Variants in ZNF561 observed in about 807,000 individuals in gnomAD.
ZNF561 encodes zinc finger protein 561.
ZNF561 carries 16 observed loss-of-function variants against 16.7 expected under a neutral mutation model. That is an observed-to-expected ratio of 0.96 (90% CI 0.65 to 1.45). The LOEUF (loss-of-function observed/expected upper bound fraction) is 1.45. ZNF561 is among the 40% of genes most tolerant of loss of function. ZNF561 has a pLI of 0.00. For synonymous variants in ZNF561, 190 were observed against 192.1 expected, an observed-to-expected ratio of 0.99 and a Z score of 0.09; for missense variants, 580 against 578.0, an observed-to-expected ratio of 1.00 and a Z score of -0.04.
At position 9,618,161 on chromosome 19, in the gene ZNF561, G is replaced by T. The variant is rs569514472; in HGVS notation, c.44C>A (p.Pro15Gln). ...TGTCTTTTCTTCAAAAGGGCAGATT[G>T]GTTCCCTGGAAAAAAACCCTAGTGG... Reference protein sequence around the residue: ...YLSRGFFSREPICPFEEKTKV... With the variant: ...YLSRGFFSREQICPFEEKTKV... The change falls in exon 3 of 6, where the codon CCA becomes CAA. Residue 15 changes from proline to glutamine, a missense_variant. Transcript: ENST00000302851. 12 of 1,550,982 alleles carry T rather than the reference G, an allele frequency of 7.7e-6. No individual in the cohort carries two copies. In the African/African-American group the frequency reaches 1.5e-4, roughly 19 times the overall value.
chr19:9,619,567 AG>A lies in ZNF561; in HGVS notation c.-112del. 1 of 1,133,506 alleles carries A rather than the reference AG, an allele frequency of 8.8e-7. No individual in the cohort carries two copies. The highest frequency in any genetic ancestry group is 1.3e-5 in the South Asian group (1 of 75,792). The allele number at this position is 1,133,506 out of a possible 1,614,324, so 70.2% of individuals were successfully genotyped here. A position where few individuals can be genotyped will look rare whatever the true frequency, so the allele number is the denominator to read the frequency against. ...AGGCAATCTCCATTCCTCTTTGTAC[AG>A]GGTTATTTGCGGTCCTGTTCATATC... is the stretch of plus-strand genomic sequence containing the variant. On this transcript the variant is annotated 5_prime_UTR_variant, in exon 2 of 6. Coordinates refer to ENST00000302851, the MANE Select transcript of ZNF561 (RefSeq NM_152289.3).
chr19:9,618,007 G>A, intron 3 of ZNF561, 84 bp downstream of exon 3: 1 of 1,308,568 alleles, frequency 7.6e-7, no homozygotes, highest in East Asian at 2.6e-5. Flanking sequence ...AGAAAACTCT[G>A]AAGATGAGTC....
rs142413028 is a variant in ZNF561, at chr19:9,619,946, C to T, written c.-126-364G>A. On this transcript the variant is annotated intron_variant, in intron 1 of 5. Transcript: ENST00000302851. ...CCTATCTATCTATCTATCTATCTATCGAGACAGGGTCTCACTCTGTTGCCC... is the reference window on the plus strand; with the variant it reads ...CCTATCTATCTATCTATCTATCTATTGAGACAGGGTCTCACTCTGTTGCCC... Among the ~76,000 whole-genome samples, 308 of 151,440 alleles carry T rather than the reference C, an allele frequency of 2.0e-3. 1 individual carries two copies. Among genetic ancestry groups the T allele is most frequent in the Non-Finnish European group, 3.2e-3 (219 of 67,936 alleles).
chr19:9,610,186 T>C lies in ZNF561; in HGVS notation c.*14A>G, dbSNP rs768731588. ...TGGTGTCATTGCCAATAATTAAAGA[T>C]GGCAACCGATGGGCTAAATGGTAAC... On this transcript the variant is annotated 3_prime_UTR_variant, in exon 6 of 6. Coordinates refer to ENST00000302851, the MANE Select transcript of ZNF561 (RefSeq NM_152289.3). 29 of 1,543,770 alleles carry C rather than the reference T, an allele frequency of 1.9e-5. No homozygotes were observed. The highest frequency in any genetic ancestry group is 2.4e-5 in the Non-Finnish European group (27 of 1,147,650).
chr19:9,619,863 T>C (rs73923645), intron 1 of ZNF561, among the ~76,000 whole-genome samples: 460 of 23,652 alleles, frequency 0.019, 1 homozygote, highest in Admixed American at 0.13. Flanking sequence ...CTATCTATAT[T>C]TATCTATCTA....
Position 9,611,312 on chromosome 19 carries a change from G to A in ZNF561, c.349C>T (p.Leu117Phe), listed in dbSNP as rs1444482409. 1.9e-6 allele frequency: 3 copies of A among 1,612,432 alleles called. No individual in the cohort carries two copies. Among genetic ancestry groups the A allele is most frequent in the Non-Finnish European group, 2.5e-6 (3 of 1,178,600 alleles). ...QMTRGYSGWK[L>F]CDCKNCGEVF... is the part of the protein sequence containing the mutation. ...TCTCCACAATTCTTACAGTCACAGA[G>A]TTTCCATCCACTGTAGCCTCTTGTC... The change falls in exon 6 of 6, where the codon CTC becomes TTC. Residue 117 changes from leucine to phenylalanine, a missense_variant. Leu to Phe is a conservative substitution (Grantham distance 22). Coordinates refer to ENST00000302851, the MANE Select transcript of ZNF561 (RefSeq NM_152289.3).
In ZNF561 at chr19:9,612,621, A is replaced by T. The variant is rs573366804; in HGVS notation, c.325-1285T>A. Among the ~76,000 whole-genome samples, 11 of 152,318 alleles carry T rather than the reference A, an allele frequency of 7.2e-5. No individual in the cohort carries two copies. The South Asian group carries it at 2.3e-3, about 32-fold the overall frequency. On this transcript the variant is annotated intron_variant, in intron 5 of 5. Coordinates refer to ENST00000302851, the MANE Select transcript of ZNF561 (RefSeq NM_152289.3). ...CAGCCTCCCAAAGTGCTGGGATTAC[A>T]GCCATGAGCTACCATGTCAGCCTAC...
At position 9,619,516 on chromosome 19, in the gene ZNF561, G is replaced by C. The variant is rs757786512; in HGVS notation, c.-60C>G. The C allele has an allele frequency of 9.4e-6, 15 of 1,590,462 alleles. No homozygotes were observed. The highest frequency in any genetic ancestry group is 1.3e-5 in the Non-Finnish European group (15 of 1,160,764). The stretch of plus-strand genomic sequence containing the variant: ...TTCCTTGATGCCAAGATCACCTCAG[G>C]CCAGCTTATGAATCTAGGTGGATAG... On this transcript the variant is annotated 5_prime_UTR_variant, in exon 2 of 6. Transcript: ENST00000302851.
intron 1 of ZNF561, among the ~76,000 whole-genome samples, chr19:9,619,969 C>T (rs2074639600): frequency 7.6e-6 from 1 of 132,060 alleles, no homozygotes. Context: ...CACTCTGTTG[C>T]CCAGGTTGAA....
At chr19:9,613,582 A>G (rs545529119) in intron 5 of ZNF561, among the ~76,000 whole-genome samples, 213 of 152,008 alleles carry the variant, frequency 1.4e-3, no homozygotes, top group African/African-American at 5.0e-3. Context: ...GCAGTGGTGC[A>G]ATCTCAGCTC....
rs1277739965 is a variant in ZNF561, at chr19:9,610,511, T to C, written c.1150A>G (p.Thr384Ala). 1.2e-6 allele frequency: 2 copies of C among 1,613,994 alleles called. No homozygotes were observed. Among genetic ancestry groups the C allele is most frequent in the East Asian group, 2.2e-5 (1 of 44,884 alleles). ...FTTSTSLIQH[T>A]RIHTGEKPYE... is the part of the protein sequence containing the mutation. ...GGCTTCTCTCCTGTGTGAATTCTTG[T>C]ATGCTGAATAAGACTTGTGGATGTA... The change falls in exon 6 of 6, where the codon ACA becomes GCA. Residue 384 changes from threonine (T) to alanine (A), a missense_variant. Transcript: ENST00000302851.
At chr19:9,619,396 C>A (rs373863404) in intron 2 of ZNF561, 36 bp downstream of exon 2, 99 of 1,609,980 alleles carry the variant, frequency 6.1e-5, no homozygotes, top group Non-Finnish European at 8.0e-5. Flanking sequence ...TGACCTAAAG[C>A]AGAATCTCTG....
Position 9,611,032 on chromosome 19 carries a change from G to A in ZNF561, c.629C>T (p.Ala210Val), listed in dbSNP as rs751656277. 13 of 1,613,976 alleles carry A rather than the reference G, an allele frequency of 8.1e-6. No individual in the cohort carries two copies. Among genetic ancestry groups the A allele is most frequent in the South Asian group, 1.1e-5 (1 of 91,080 alleles). ...GATTCCCATATGATTATCAAGGCTT[G>A]CAAAATACTTAAAGCCTTTTCCACA... ...KECGKGFKYF[A>V]SLDNHMGIHT... Residue 210 changes from alanine to valine, a missense_variant, in exon 6 of 6, where the codon GCA becomes GTA. Ala to Val is a moderately conservative substitution (Grantham distance 64, BLOSUM62 0). Coordinates refer to ENST00000302851, the MANE Select transcript of ZNF561 (RefSeq NM_152289.3).
Position 9,611,122 on chromosome 19 carries a change from A to G in ZNF561, c.539T>C (p.Leu180Pro). Reference sequence around the variant, plus strand: ...AAGATGTACAGCAAGACCTGGAGTTAGAGTAAAGACTTTTCCACATGGATT... The same window carrying G: ...AAGATGTACAGCAAGACCTGGAGTTGGAGTAAAGACTTTTCCACATGGATT... The part of the protein sequence containing the change: ...KFNPCGKVFT[L>P]TPGLAVHLEV... Residue 180 changes from leucine (L) to proline (P), a missense_variant, in exon 6 of 6, where the codon CTA (leucine) becomes CCA (proline). Transcript: ENST00000302851. 1 of 1,614,042 alleles carries G rather than the reference A, an allele frequency of 6.2e-7. No individual in the cohort carries two copies.
In ZNF561 at chr19:9,610,155, A is replaced by C. The variant is rs756670807; in HGVS notation, c.*45T>G. ...AAAAGGCATTTAGGACAAATCTGAT[A>C]ATCTTTGGTGTCATTGCCAATAATT... is the stretch of plus-strand genomic sequence containing the variant. On this transcript the variant is annotated 3_prime_UTR_variant, in exon 6 of 6. Transcript: ENST00000302851. 4 of 1,495,898 alleles carry C rather than the reference A, an allele frequency of 2.7e-6. No homozygotes were observed. Among genetic ancestry groups the C allele is most frequent in the East Asian group, 2.3e-5 (1 of 44,010 alleles). The allele number at this position is 1,495,898 out of a possible 1,614,324, so 92.7% of individuals were successfully genotyped here.
Position 9,619,486 on chromosome 19 carries a change from A to G in ZNF561, c.-30T>C, listed in dbSNP as rs1241421263. On this transcript the variant is annotated 5_prime_UTR_variant, in exon 2 of 6. The change abolishes an upstream ATG in the 5' untranslated region. Coordinates refer to ENST00000302851, the MANE Select transcript of ZNF561 (RefSeq NM_152289.3). ...TGAAGCTGATGGTGTGATGATGTGC[A>G]TCCCTTCCTTGATGCCAAGATCACC... 1 of 1,612,436 alleles carries G rather than the reference A, an allele frequency of 6.2e-7. No homozygotes were observed. The highest frequency in any genetic ancestry group is 8.5e-7 in the Non-Finnish European group (1 of 1,178,902).
In ZNF561 at chr19:9,611,280, G is replaced by T. The variant is rs747928630; in HGVS notation, c.381C>A (p.Phe127Leu). The T allele has an allele frequency of 6.2e-7, 1 of 1,613,876 alleles. No individual in the cohort carries two copies. Among genetic ancestry groups the T allele is most frequent in the Non-Finnish European group, 8.5e-7 (1 of 1,179,840 alleles). The part of the protein sequence containing the change: ...LCDCKNCGEV[F>L]REQFCLKTHM... Reference sequence around the variant, plus strand: ...GTGTCTTAAGGCAAAACTGTTCCCTGAAGACCTCTCCACAATTCTTACAGT... The same window carrying T: ...GTGTCTTAAGGCAAAACTGTTCCCTTAAGACCTCTCCACAATTCTTACAGT... Residue 127 changes from phenylalanine (F) to leucine (L), a missense_variant, in exon 6 of 6, where the codon TTC becomes TTA. Transcript: ENST00000302851.
chr19:9,612,440 G>C (rs553210479), intron 5 of ZNF561, among the ~76,000 whole-genome samples: 1 of 152,130 alleles, frequency 6.6e-6, no homozygotes, highest in Non-Finnish European at 1.5e-5. Flanking sequence ...GGCTGGTCTT[G>C]AACTGCTGAC....
In ZNF561 at chr19:9,610,834, T is replaced by A. The variant is rs758987078; in HGVS notation, c.827A>T (p.Lys276Ile). The change falls in exon 6 of 6, where the codon AAA becomes ATA. Residue 276 changes from lysine (K) to isoleucine (I), a missense_variant. Coordinates refer to ENST00000302851, the MANE Select transcript of ZNF561 (RefSeq NM_152289.3). The part of the protein sequence containing the change: ...SQLYAPVKTH[K>I]GEKSFECKEC... ...TTTACATTCAAAGGACTTCTCTCCT[T>A]TATGAGTTTTCACAGGTGCATAAAG... The A allele has an allele frequency of 1.9e-6, 3 of 1,614,148 alleles. No homozygotes were observed. The highest frequency in any genetic ancestry group is 2.5e-6 in the Non-Finnish European group (3 of 1,180,014).
Sources: allele counts gnomAD v4.1 joint callset (sites outside exome capture counted in the v4.1 genomes callset), GRCh38; gene constraint gnomAD v4.1.1; transcripts MANE v1.5; gene names NCBI Gene and HGNC (gene_info 2026-07-23, HGNC 2026-07-21).